Variants in BEND2 observed in about 807,000 individuals in gnomAD.
BEND2 encodes BEN domain containing 2.
Under a neutral mutation model 43.8 loss-of-function variants are expected in BEND2, and 19 were observed. The ratio of observed to expected loss-of-function variants is 0.43; its 90% confidence interval spans 0.30 to 0.64. The LOEUF (loss-of-function observed/expected upper bound fraction) is 0.64. Among genes scored for constraint, BEND2 ranks in the 30% least tolerant of loss-of-function variants. BEND2 has a pLI of 0.11. For missense variants in BEND2, 544 were observed against 574.0 expected, an observed-to-expected ratio of 0.95 and a Z score of 0.53; for synonymous variants, 226 against 210.1, an observed-to-expected ratio of 1.08 and a Z score of -0.66.
At chrX:18,180,032 C>T (rs887445402) in intron 9 of BEND2, among the ~76,000 whole-genome samples, 1 of 112,439 alleles carries the variant, frequency 8.9e-6, no homozygotes, top group Non-Finnish European at 1.9e-5. Context: ...CAAAAACTAG[C>T]TGGGTGTGGT....
At chrX:18,201,181 G>A (rs1330365624) in intron 6 of BEND2, among the ~76,000 whole-genome samples, 4 of 110,183 alleles carry the variant, frequency 3.6e-5, no homozygotes, top group Non-Finnish European at 7.6e-5. Flanking sequence ...ATCACCCGAG[G>A]TTGAGAGTTG....
chrX:18,165,088 G>A lies in BEND2; in HGVS notation c.2321C>T (p.Ser774Leu), dbSNP rs1923788712. Reference protein sequence around the residue: ...DVRRAEARSQSLPAVTPPELE... With the variant: ...DVRRAEARSQLLPAVTPPELE... ...CTCTGGAGGGGTCACTGCTGGAAGC[G>A]ACTGAGACCTGGCTTCAGCCCTTCT... The change falls in exon 14 of 14, where the codon TCG (serine) becomes TTG (leucine). Residue 774 changes from serine to leucine, a missense_variant. Physicochemically the swap from Ser to Leu is moderately radical, Grantham distance 145 (BLOSUM62 -2). Transcript: ENST00000380033. 4 of 1,210,291 alleles carry A rather than the reference G, an allele frequency of 3.3e-6. No homozygotes were observed. Among genetic ancestry groups the A allele is most frequent in the East Asian group, 3.0e-5 (1 of 33,828 alleles).
intron 4 of BEND2, among the ~76,000 whole-genome samples, chrX:18,208,894 G>C (rs1474092581): frequency 1.8e-5 from 2 of 111,156 alleles, no homozygotes; most frequent in African/African-American, 6.5e-5. Flanking sequence ...CTAGTGTCCA[G>C]ATCTCGGTTT....
chrX:18,171,732 G>C (rs968623555), intron 12 of BEND2, among the ~76,000 whole-genome samples: 4 of 112,038 alleles, frequency 3.6e-5, no homozygotes, highest in African/African-American at 1.3e-4. Flanking sequence ...TGGTTCAACA[G>C]GAAGATTTAA....
rs960836402 is a variant in BEND2 at position 18,211,032 on chromosome X, T to C, written c.492+1533A>G. ...ATATTACCATCTTACCCTTGTATAG[T>C]GCTTCATGCTTTCCAAAGTGCTTTC... On this transcript the variant is annotated intron_variant, in intron 4 of 13. Transcript: ENST00000380033. Among the ~76,000 whole-genome samples, 9 of 111,379 alleles carry C rather than the reference T, an allele frequency of 8.1e-5. No individual in the cohort carries two copies. In the Admixed American group the frequency reaches 8.6e-4, roughly 11 times the overall value.
chrX:18,205,481 C>G (rs768307426), intron 4 of BEND2, among the ~76,000 whole-genome samples: 18 of 108,479 alleles, frequency 1.7e-4, no homozygotes, highest in Non-Finnish European at 3.1e-4. Flanking sequence ...TGGCATGCAC[C>G]TGTAGTCCCA....
At chrX:18,177,088 T>C (rs1924187980) in intron 10 of BEND2, among the ~76,000 whole-genome samples, 1 of 110,114 alleles carries the variant, frequency 9.1e-6, no homozygotes, top group African/African-American at 3.3e-5. Flanking sequence ...GTATCCTTAG[T>C]ATCCATGAGT....
Position 18,201,930 on chromosome X carries a change from T to C in BEND2, c.918A>G (p.Glu306=), listed in dbSNP as rs1463866997. 8.3e-7 allele frequency: 1 copy of C among 1,205,206 alleles called. No homozygotes were observed. Among genetic ancestry groups the C allele is most frequent in the Non-Finnish European group, 1.1e-6 (1 of 893,601 alleles). Residue 306 remains glutamate, a synonymous_variant, in exon 6 of 14, where the codon GAA becomes GAG. Transcript: ENST00000380033. ...FCFHPNLEMP[E]RPANSSKNST... is the part of the protein sequence containing the mutation. ...TGTTTTTACTGCTGTTTGCTGGTCT[T>C]TCTGGCATTTCTGTAAATAAAAAGT... is the stretch of plus-strand genomic sequence containing the variant.
At chrX:18,180,781 T>TC (rs1924356006) in intron 8 of BEND2, 131 bp from the exon 9 acceptor site, 9 of 498,651 alleles carry the variant, frequency 1.8e-5, no homozygotes, top group Non-Finnish European at 2.9e-5. Context: ...CTCTTTTTTT[T>TC]TTTCTTTCTT....
Position 18,174,044 on chromosome X carries a change from G to C in BEND2, c.1967C>G (p.Pro656Arg). The C allele has an allele frequency of 4.1e-6, 5 of 1,206,169 alleles. No individual in the cohort carries two copies. In the South Asian group the frequency reaches 8.9e-5, roughly 21 times the overall value. Reference protein sequence around the residue: ...REPSTDNPEEPGEAWSYFGRP... With the variant: ...REPSTDNPEERGEAWSYFGRP... Reference sequence around the variant, plus strand: ...AAAAAACTCACTCCATGCTTCACCAGGTTCCTCTGGATTATCAGTGGAAGG... The same window carrying C: ...AAAAAACTCACTCCATGCTTCACCACGTTCCTCTGGATTATCAGTGGAAGG... The change falls in exon 12 of 14, where the codon CCT becomes CGT. Residue 656 changes from proline (P) to arginine (R), a missense_variant. Physicochemically the swap from Pro to Arg is moderately radical, Grantham distance 103. Transcript: ENST00000380033.
intron 8 of BEND2, among the ~76,000 whole-genome samples, chrX:18,187,373 C>T (rs1486654863): frequency 1.8e-5 from 2 of 111,669 alleles, no homozygotes; most frequent in Non-Finnish European, 3.8e-5. Context: ...GATTTCAAGA[C>T]AAAAAACTGC....
At chrX:18,174,346 T>C (rs747742698) in intron 11 of BEND2, 88 bp from the exon 12 acceptor site, 473 of 833,973 alleles carry the variant, frequency 5.7e-4, no homozygotes, top group Non-Finnish European at 7.8e-4. Context: ...CCCACCAGGT[T>C]GCTAGGGAAG....
At chrX:18,191,965 A>C (rs763965481) in intron 7 of BEND2, among the ~76,000 whole-genome samples, 3 of 112,150 alleles carry the variant, frequency 2.7e-5, no homozygotes, top group African/African-American at 9.7e-5. Flanking sequence ...TGTGTAGCTA[A>C]ATTTTTCTGA....
At chrX:18,205,684 A>G (rs1311622004) in intron 4 of BEND2, among the ~76,000 whole-genome samples, 1 of 108,442 alleles carries the variant, frequency 9.2e-6, no homozygotes, top group African/African-American at 3.4e-5. Context: ...AGACAAGTAA[A>G]GAGAGGATTC....
intron 3 of BEND2, 120 bp downstream of exon 3, chrX:18,213,654 G>C (rs1409565147): frequency 8.6e-6 from 1 of 115,774 alleles, no homozygotes; most frequent in Non-Finnish European, 1.8e-5. Context: ...GCTCACACCT[G>C]TAATCTCAAC....
At chrX:18,170,354 G>A (rs2147388160) in intron 13 of BEND2, among the ~76,000 whole-genome samples, 1 of 112,042 alleles carries the variant, frequency 8.9e-6, no homozygotes, top group East Asian at 2.8e-4. Flanking sequence ...GATAACAAAT[G>A]CTTATAAGAG....
Position 18,170,988 on chromosome X carries a change from A to T in BEND2, c.2185+13T>A, listed in dbSNP as rs369845738. The stretch of plus-strand genomic sequence containing the variant: ...GCTTTTATTTATTCAGACATACTCT[A>T]TGTGTAACAAACCTCGGAGAGCACT... On this transcript the variant is annotated intron_variant, in intron 13 of 13. Coordinates refer to ENST00000380033, the MANE Select transcript of BEND2 (RefSeq NM_153346.5). The T allele has an allele frequency of 1.7e-6, 2 of 1,206,550 alleles. No individual in the cohort carries two copies. The highest frequency in any genetic ancestry group is 3.5e-5 in the African/African-American group (2 of 57,420).
At chrX:18,219,701 T>C (rs1925794283) in intron 1 of BEND2, among the ~76,000 whole-genome samples, 1 of 111,303 alleles carries the variant, frequency 9.0e-6, no homozygotes, top group Admixed American at 9.5e-5. Context: ...AGCCCAGGAG[T>C]TCGAGACCAG....
Position 18,195,812 on chromosome X carries a change from G to A in BEND2, c.1034-370C>T, listed in dbSNP as rs764556370. 6.5e-5 allele frequency among the ~76,000 whole-genome samples: 7 copies of A among 108,350 alleles called. No homozygotes were observed. In the Admixed American group the frequency reaches 7.0e-4, roughly 11 times the overall value. The allele number at this position is 108,350 out of a possible 115,157, so 94.1% of individuals were successfully genotyped here. A position where few individuals can be genotyped will look rare whatever the true frequency, so the allele number is the denominator to read the frequency against. On this transcript the variant is annotated intron_variant, in intron 6 of 13. Transcript: ENST00000380033. ...GGGTCACCTGAGCCCGGGAAATGGA[G>A]GCTGCAGTGAGCCATGATTGCACCA...
Sources: allele counts gnomAD v4.1 joint callset (sites outside exome capture counted in the v4.1 genomes callset), GRCh38; gene constraint gnomAD v4.1.1; transcripts MANE v1.5; gene names NCBI Gene and HGNC (gene_info 2026-07-23, HGNC 2026-07-21).